Variants in REDIC1 observed in about 807,000 individuals in gnomAD.
The protein encoded by REDIC1 is regulator of DNA class I crossover intermediates 1, also known as HEI10 Interacting Protein 1.
the REDIC1 span, among the ~76,000 whole-genome samples, chr12:39,719,333 G>C: frequency 6.6e-6 from 1 of 152,082 alleles, no homozygotes; most frequent in Non-Finnish European, 1.5e-5. Flanking sequence ...ACAAAGATAA[G>C]AAATAGCACT....
At chr12:39,665,748 T>A in the REDIC1 span, among the ~76,000 whole-genome samples, 127 of 137,222 alleles carry the variant, frequency 9.3e-4, no homozygotes, top group Middle Eastern at 3.6e-3. Context: ...TTTTATTTCA[T>A]TGAGCAGTGG....
the REDIC1 span, among the ~76,000 whole-genome samples, chr12:39,711,128 G>C: frequency 6.6e-6 from 1 of 151,218 alleles, no homozygotes; most frequent in Non-Finnish European, 1.5e-5. Context: ...CCTCATATCA[G>C]TGAGAACATA....
At chr12:39,794,968 T>C in the REDIC1 span, among the ~76,000 whole-genome samples, 1 of 152,166 alleles carries the variant, frequency 6.6e-6, no homozygotes, top group African/African-American at 2.4e-5. Context: ...ATTTTCTCCT[T>C]CTCTTTGCTG....
the REDIC1 span, among the ~76,000 whole-genome samples, chr12:39,692,501 A>G: frequency 2.0e-5 from 3 of 150,152 alleles, no homozygotes; most frequent in African/African-American, 4.9e-5. Context: ...AACTTTCTAT[A>G]TATTGATCCA....
At chr12:39,735,760 A>T in the REDIC1 span, among the ~76,000 whole-genome samples, 1 of 152,260 alleles carries the variant, frequency 6.6e-6, no homozygotes, top group East Asian at 1.9e-4. Flanking sequence ...CTTGAGGCAC[A>T]TGCATTGCAG....
chr12:39,887,801 G>A, the REDIC1 span, among the ~76,000 whole-genome samples: 35 of 152,330 alleles, frequency 2.3e-4, no homozygotes, highest in Admixed American at 9.1e-4. Context: ...CAGTATCACT[G>A]ATGTAGTATA....
chr12:39,716,293 G>T, the REDIC1 span, among the ~76,000 whole-genome samples: 3 of 151,944 alleles, frequency 2.0e-5, no homozygotes, highest in African/African-American at 2.4e-5. Context: ...AGCAGATAAT[G>T]AAAATGTATC....
chr12:39,764,816 C>A, the REDIC1 span: 1 of 1,612,294 alleles, frequency 6.2e-7, no homozygotes, highest in Non-Finnish European at 8.5e-7. Context: ...AATTGTAAGC[C>A]CAAAATATAT....
chr12:39,711,626 C>CATGCGTGT, the REDIC1 span, among the ~76,000 whole-genome samples: 1 of 52,088 alleles, frequency 1.9e-5, no homozygotes, highest in African/African-American at 4.4e-5. Flanking sequence ...TGTGTATACA[C>CATGCGTGT]GTATGTGTAT....
At chr12:39,716,664 T>C in the REDIC1 span, 1 of 884,514 alleles carries the variant, frequency 1.1e-6, no homozygotes, top group Non-Finnish European at 1.7e-6. Flanking sequence ...TTAGCTAAAT[T>C]TGTTTTACCA....
the REDIC1 span, among the ~76,000 whole-genome samples, chr12:39,839,735 C>T: frequency 6.1e-3 from 932 of 152,154 alleles, 11 homozygotes; most frequent in African/African-American, 0.021. Context: ...CTTTACATGA[C>T]CATTGCTATA....
the REDIC1 span, among the ~76,000 whole-genome samples, chr12:39,790,517 A>G: frequency 1.3e-5 from 2 of 149,742 alleles, no homozygotes; most frequent in African/African-American, 2.5e-5. Flanking sequence ...ATGGTTTCCA[A>G]TTTCATCCAT....
chr12:39,653,984 C>T, the REDIC1 span, among the ~76,000 whole-genome samples: 2 of 151,018 alleles, frequency 1.3e-5, no homozygotes, highest in African/African-American at 2.4e-5. Flanking sequence ...TGTGAAAGTT[C>T]TCTTCTGTTT....
chr12:39,827,930 T>C, the REDIC1 span, among the ~76,000 whole-genome samples: 1 of 152,106 alleles, frequency 6.6e-6, no homozygotes, highest in South Asian at 2.1e-4. Flanking sequence ...TGGCTATGGA[T>C]TGCCTCAACA....
chr12:39,782,810 G>C, the REDIC1 span, among the ~76,000 whole-genome samples: 1 of 152,196 alleles, frequency 6.6e-6, no homozygotes, highest in African/African-American at 2.4e-5. Context: ...GGCTGAGGTG[G>C]TCTCAGAGGG....
At chr12:39,761,653 G>C in the REDIC1 span, among the ~76,000 whole-genome samples, 9 of 151,836 alleles carry the variant, frequency 5.9e-5, no homozygotes, top group African/African-American at 2.2e-4. Flanking sequence ...GAAAGGAGAT[G>C]AAGTCCTGTG....
At chr12:39,870,421 T>C in the REDIC1 span, among the ~76,000 whole-genome samples, 8 of 152,322 alleles carry the variant, frequency 5.3e-5, no homozygotes, top group East Asian at 1.3e-3. Flanking sequence ...TCCTAATGAT[T>C]CAGTCCATTT....
At chr12:39,869,491 G>C in the REDIC1 span, among the ~76,000 whole-genome samples, 13 of 152,294 alleles carry the variant, frequency 8.5e-5, no homozygotes, top group Admixed American at 8.5e-4. Flanking sequence ...AAATCAAATA[G>C]ACTGTGTCTC....
At chr12:39,721,423 A>G in the REDIC1 span, 1 of 580,660 alleles carries the variant, frequency 1.7e-6, no homozygotes, top group Non-Finnish European at 3.0e-6. Context: ...AATATTATTA[A>G]TGTATGTATT....
Sources: gnomAD v4.1 joint callset for allele counts (sites outside exome capture counted in the v4.1 genomes callset) on GRCh38, gnomAD v4.1.1 for gene constraint, MANE v1.5 for transcripts, NCBI Gene and HGNC (gene_info 2026-07-23, HGNC 2026-07-21) for gene names.